The following CLUAP1 variants were observed in gnomAD, a reference collection of about 807,000 sequenced individuals.
The protein encoded by CLUAP1 is intraflagellar transport 38.
Under a neutral mutation model 55.0 loss-of-function variants are expected in CLUAP1, and 50 were observed. The observed-to-expected ratio is 0.91, with a 90% CI of 0.72 to 1.15. The LOEUF is 1.15. Ranked by LOEUF, CLUAP1 falls within the 50% of genes most tolerant of loss-of-function variation. The pLI is 0.00. For synonymous variants in CLUAP1, 195 were observed against 175.4 expected (o/e 1.11, Z -0.88); for missense variants, 530 against 507.6 (o/e 1.04, Z -0.42).
At chr16:3,529,612 TATA>T (rs1296274055) in intron 9 of CLUAP1, among the ~76,000 whole-genome samples, 1 of 36,874 alleles carries the variant, frequency 2.7e-5, no homozygotes, top group African/African-American at 1.4e-4. Context: ...TTATATATTA[TATA>T]ATATTATATA....
upstream of CLUAP1, among the ~76,000 whole-genome samples, chr16:3,498,948 A>G (rs2037339500): frequency 6.6e-6 from 1 of 152,240 alleles, no homozygotes; most frequent in Non-Finnish European, 1.5e-5. Context: ...TTGGCAAATC[A>G]TATATCTGAT....
intron 4 of CLUAP1, among the ~76,000 whole-genome samples, chr16:3,511,854 G>A (rs2037632229): frequency 6.6e-6 from 1 of 152,150 alleles, no homozygotes; most frequent in Non-Finnish European, 1.5e-5. Context: ...CCAAAGGTAG[G>A]AGCTGACATG....
At chr16:3,522,879 G>A (rs1476055203) in intron 7 of CLUAP1, among the ~76,000 whole-genome samples, 3 of 152,128 alleles carry the variant, frequency 2.0e-5, no homozygotes, top group African/African-American at 7.2e-5. Context: ...TATACCTGGT[G>A]ATGGGATTAT....
In CLUAP1 at chr16:3,514,008, C is replaced by T. The variant is rs114433925; in HGVS notation, c.496-1500C>T. ...CATCATATATTGACCCGGCAGTTGC[C>T]ACCTGATGAAGTGTGGTTGGCAGAA... On this transcript the variant is annotated intron_variant, in intron 5 of 11. Coordinates refer to ENST00000576634, the MANE Select transcript of CLUAP1 (RefSeq NM_015041.3). Among the ~76,000 whole-genome samples the T allele has an allele frequency of 2.9e-3, 439 of 152,288 alleles. 3 individuals carry two copies. Among genetic ancestry groups the T allele is most frequent in the African/African-American group, 1.0e-2 (415 of 41,558 alleles).
upstream of CLUAP1, chr16:3,500,933 G>C (rs1340082410): frequency 1.5e-5 from 14 of 965,054 alleles, no homozygotes; most frequent in Non-Finnish European, 2.0e-5. Flanking sequence ...CCGCGTCTTC[G>C]CTTCGCTTTT....
chr16:3,524,416 A>G (rs933513417), intron 8 of CLUAP1, among the ~76,000 whole-genome samples: 3 of 151,912 alleles, frequency 2.0e-5, no homozygotes, highest in African/African-American at 7.3e-5. Flanking sequence ...CTTGTCCAAC[A>G]TGGTGAAACC....
chr16:3,536,102 C>T lies in CLUAP1; in HGVS notation c.1093-20C>T. 6.2e-7 allele frequency: 1 copy of T among 1,612,786 alleles called. No homozygotes were observed. The highest frequency in any genetic ancestry group is 8.5e-7 in the Non-Finnish European group (1 of 1,179,140). Reference sequence around the variant, plus strand: ...AATGAGGCAGGATCCCCCGTTGCATCTGCCATTTTTTTCCTATAGGAGGAC... The same window carrying T: ...AATGAGGCAGGATCCCCCGTTGCATTTGCCATTTTTTTCCTATAGGAGGAC... On this transcript the variant is annotated intron_variant, in intron 11 of 11. Coordinates refer to ENST00000576634, the MANE Select transcript of CLUAP1 (RefSeq NM_015041.3).
rs371860330 is a variant in CLUAP1, at chr16:3,521,295, G to T, written c.713+1259G>T. On this transcript the variant is annotated intron_variant, in intron 7 of 11. Coordinates refer to ENST00000576634, the MANE Select transcript of CLUAP1 (RefSeq NM_015041.3). The stretch of plus-strand genomic sequence containing the variant: ...TTTAACAGAAAAGTCTCTTTGTTTT[G>T]CTCTAGTTCAAAAGATTATAATTAT... Among the ~76,000 whole-genome samples the T allele has an allele frequency of 1.4e-3, 210 of 151,944 alleles. 4 individuals are homozygous for T. The highest frequency in any genetic ancestry group is 9.8e-3 in the South Asian group (47 of 4,816).
intron 11 of CLUAP1, 182 bp downstream of exon 11, chr16:3,533,023 C>A: frequency 7.1e-7 from 1 of 1,407,094 alleles, no homozygotes; most frequent in Non-Finnish European, 9.8e-7. Flanking sequence ...GTGGATGGCT[C>A]ATCTCTTTTC....
rs1217238607 is a variant in CLUAP1 at position 3,538,279 on chromosome 16, CTCTT to C, written c.*2014_*2017del. 6.6e-6 allele frequency: 1 copy of C among 150,866 alleles called. No homozygotes were observed. Among genetic ancestry groups the C allele is most frequent in the Non-Finnish European group, 1.5e-5 (1 of 67,760 alleles). The allele number at this position is 150,866 out of a possible 1,614,324, so 9.3% of individuals were successfully genotyped here. ...TTATTTCTGTCATTTTTGCTTTTTT[CTCTT>C]TCTTTTCCTAAATTTTATGTATAAG... is the stretch of plus-strand genomic sequence containing the variant. On this transcript the variant is annotated 3_prime_UTR_variant, in exon 12 of 12. Coordinates refer to ENST00000576634, the MANE Select transcript of CLUAP1 (RefSeq NM_015041.3).
intron 4 of CLUAP1, among the ~76,000 whole-genome samples, chr16:3,508,725 T>G (rs1314338891): frequency 6.6e-6 from 1 of 152,212 alleles, no homozygotes; most frequent in South Asian, 2.1e-4. Context: ...AAAAATCGTG[T>G]GTTTATTCTC....
rs1208170800 is a variant in CLUAP1 at position 3,519,345 on chromosome 16, TCTC to T, written c.580-554_580-552del. 2.0e-5 allele frequency among the ~76,000 whole-genome samples: 3 copies of T among 152,204 alleles called. No individual in the cohort carries two copies. In the East Asian group the frequency reaches 5.8e-4, roughly 29 times the overall value. Reference sequence around the variant, plus strand: ...CTTTCGTACTGTCTTCAGAGTGGTTTCTCCTCGTTTTTAGTCTGTAGTCAAGCT... The same window carrying T: ...CTTTCGTACTGTCTTCAGAGTGGTTTCTCGTTTTTAGTCTGTAGTCAAGCT... On this transcript the variant is annotated intron_variant, in intron 6 of 11. Coordinates refer to ENST00000576634, the MANE Select transcript of CLUAP1 (RefSeq NM_015041.3).
At chr16:3,533,119 C>T in intron 11 of CLUAP1, 5 of 1,536,126 alleles carry the variant, frequency 3.3e-6, no homozygotes, top group Non-Finnish European at 4.4e-6. Context: ...CACCAGCTCT[C>T]TTAGGTAAAT....
chr16:3,508,347 CG>C lies in CLUAP1; in HGVS notation c.280del (p.Val94Ter). ...AAGCTTTATCAAGCAGATGGGTATG[CG>C]GTAAAAGAGCTGCTGAAGATCACAT... Reference protein sequence around the residue: ...TKKLYQADGYAVKELLKITSV... With the variant: ...TKKLYQADGYXVKELLKITSV... On this transcript the variant is annotated frameshift_variant, in exon 4 of 12. Coordinates refer to ENST00000576634, the MANE Select transcript of CLUAP1 (RefSeq NM_015041.3). LOFTEE classifies it high-confidence loss of function. The C allele has an allele frequency of 6.2e-7, 1 of 1,608,976 alleles. No individual in the cohort carries two copies. The highest frequency in any genetic ancestry group is 8.5e-7 in the Non-Finnish European group (1 of 1,178,588).
intron 2 of CLUAP1, 81 bp from the exon 3 acceptor site, chr16:3,506,250 G>C (rs1397063136): frequency 6.3e-6 from 7 of 1,115,618 alleles, no homozygotes. Context: ...CAGACCCGCT[G>C]TCCTCTCAGT....
intron 6 of CLUAP1, among the ~76,000 whole-genome samples, chr16:3,519,660 C>G (rs988855153): frequency 6.6e-6 from 1 of 152,160 alleles, no homozygotes; most frequent in Non-Finnish European, 1.5e-5. Flanking sequence ...TCACTTCTTT[C>G]CCTGGGTAGA....
intron 4 of CLUAP1, among the ~76,000 whole-genome samples, chr16:3,511,041 CTT>C (rs1431512311): frequency 6.6e-6 from 1 of 152,168 alleles, no homozygotes; most frequent in Non-Finnish European, 1.5e-5. Flanking sequence ...ACTCGCTCCA[CTT>C]TTGAGAAGCA....
At chr16:3,496,210 G>A (rs188774649), upstream of CLUAP1, 11 of 580,048 alleles carry the variant, frequency 1.9e-5, no homozygotes, top group African/African-American at 2.1e-4. Flanking sequence ...CATGGGAGCT[G>A]ACGTCCGCCA....
Position 3,501,052 on chromosome 16 carries a change from T to C in CLUAP1, c.-16T>C, listed in dbSNP as rs1239506062. On this transcript the variant is annotated 5_prime_UTR_variant, in exon 1 of 12. Coordinates refer to ENST00000576634, the MANE Select transcript of CLUAP1 (RefSeq NM_015041.3). ...GCGAGCAGTTGCGACCCTGGGCTCC[T>C]GGGGACCTGAGCGTTATGTCTTTCC... 3.1e-6 allele frequency: 5 copies of C among 1,599,272 alleles called. No homozygotes were observed. The African/African-American group carries it at 4.0e-5, about 13-fold the overall frequency.
Sources: allele counts gnomAD v4.1 joint callset (sites outside exome capture counted in the v4.1 genomes callset), GRCh38; gene constraint gnomAD v4.1.1; transcripts MANE v1.5; gene names NCBI Gene and HGNC (gene_info 2026-07-23, HGNC 2026-07-21).